The following USP33 variants were observed in gnomAD, a reference collection of about 807,000 sequenced individuals.
The protein encoded by USP33 is ubiquitin carboxyl-terminal hydrolase 33.
USP33 carries 46 observed loss-of-function variants against 124.2 expected under a neutral mutation model. The ratio of observed to expected loss-of-function variants is 0.37; its 90% CI spans 0.29 to 0.47. The LOEUF is 0.47. Ranked by LOEUF, USP33 falls within the 20% of genes least tolerant of loss-of-function variation. The pLI is 0.99. For synonymous variants in USP33, 350 were observed against 352.3 expected (o/e 0.99, Z 0.07); for missense variants, 851 against 1,070.6 (o/e 0.79, Z 2.86).
At chr1:77,739,840 A>G (rs896853009) in intron 4 of USP33, among the ~76,000 whole-genome samples, 4 of 152,248 alleles carry the variant, frequency 2.6e-5, no homozygotes, top group African/African-American at 9.6e-5. Flanking sequence ...TGGAAAGATA[A>G]AAGTCTAGCC....
intron 9 of USP33, 53 bp downstream of exon 9, chr1:77,729,807 C>T: frequency 1.3e-6 from 2 of 1,573,208 alleles, no homozygotes; most frequent in Non-Finnish European, 1.7e-6. Flanking sequence ...AACATAATGG[C>T]ATTTTCCAAA....
In USP33 at chr1:77,697,492, G is replaced by C; in HGVS notation, c.2579-18C>G. The C allele has an allele frequency of 1.3e-6, 2 of 1,585,092 alleles. No individual in the cohort carries two copies. The highest frequency in any genetic ancestry group is 1.7e-6 in the Non-Finnish European group (2 of 1,170,402). On this transcript the variant is annotated intron_variant, in intron 23 of 23. Coordinates refer to ENST00000370794, the MANE Select transcript of USP33 (RefSeq NM_201624.3). ...ATCTGCTCCTTAAAATTACGTAGAA[G>C]AAATAATGTTTACAAACCTATATAT... is the stretch of plus-strand genomic sequence containing the variant.
At chr1:77,746,494 T>C (rs1223064929) in intron 1 of USP33, 1 of 152,140 alleles carries the variant, frequency 6.6e-6, no homozygotes, top group African/African-American at 2.4e-5. Flanking sequence ...TTCCAATCAA[T>C]ATAAAAAGAA....
In USP33 at chr1:77,754,143, CTG is replaced by C. The variant is rs200425078; in HGVS notation, c.-52+5498_-52+5499del. On this transcript the variant is annotated intron_variant, in intron 1 of 23. Transcript: ENST00000370794. Reference sequence around the variant, plus strand: ...TAATTGTTACACAGAGGTTGGGTAACTGTCAGAGGTGCTTCAAAGGACAGCAA... The same window carrying C: ...TAATTGTTACACAGAGGTTGGGTAACTCAGAGGTGCTTCAAAGGACAGCAA... 3.3e-4 allele frequency among the ~76,000 whole-genome samples: 50 copies of C among 152,250 alleles called. No homozygotes were observed. The East Asian group carries it at 9.5e-3, about 29-fold the overall frequency.
intron 21 of USP33, among the ~76,000 whole-genome samples, chr1:77,708,784 T>C (rs1207157648): frequency 6.3e-4 from 1 of 1,576 alleles, no homozygotes; most frequent in African/African-American, 9.8e-3. Context: ...TCCACCTGTG[T>C]ACCAAAAAGT....
chr1:77,697,585 G>T, intron 23 of USP33, 111 bp from the exon 24 acceptor site: 1 of 1,303,904 alleles, frequency 7.7e-7, no homozygotes, highest in South Asian at 1.6e-5. Context: ...GAGAACTTCT[G>T]GAACATGAAT....
rs183470977 is a variant in USP33 at position 77,729,791 on chromosome 1, A to C, written c.717+69T>G. The C allele has an allele frequency of 9.8e-3, 14,456 of 1,472,008 alleles. 80 individuals are homozygous for C. The highest frequency in any genetic ancestry group is 0.011 in the Non-Finnish European group (12,017 of 1,060,166). The allele number at this position is 1,472,008 out of a possible 1,614,324, so 91.2% of individuals were successfully genotyped here. On this transcript the variant is annotated intron_variant, in intron 9 of 23. Transcript: ENST00000370794. ...ATGACCCCAAAAGATAAGTAGACCC[A>C]AAAAAAACATAATGGCATTTTCCAA... is the stretch of plus-strand genomic sequence containing the variant.
chr1:77,713,558 T>TC (rs1491111800), intron 19 of USP33: 15 of 76,524 alleles, frequency 2.0e-4, no homozygotes, highest in South Asian at 4.7e-4. Flanking sequence ...CTAACTTTTC[T>TC]TTTTTTTTTT....
At position 77,735,020 on chromosome 1, in the gene USP33, G is replaced by A. The variant is rs550491400; in HGVS notation, c.455-604C>T. 3.2e-3 allele frequency among the ~76,000 whole-genome samples: 488 copies of A among 152,212 alleles called. 3 individuals carry two copies. The highest frequency in any genetic ancestry group is 4.9e-3 in the Non-Finnish European group (333 of 68,018). On this transcript the variant is annotated intron_variant, in intron 6 of 23. Transcript: ENST00000370794. ...TGCCTGTAGTCCCAGCTACTCGGGA[G>A]GCTGAAGCAGGAGAATGGTGTGAAC... is the stretch of plus-strand genomic sequence containing the variant.
At chr1:77,750,781 C>A (rs1014515051) in intron 1 of USP33, among the ~76,000 whole-genome samples, 23 of 152,026 alleles carry the variant, frequency 1.5e-4, no homozygotes, top group African/African-American at 7.3e-5. Flanking sequence ...AAATAGAAAA[C>A]CCTTAGTATT....
chr1:77,718,668 T>TA, intron 15 of USP33, 27 bp from the exon 16 acceptor site: 1 of 1,564,802 alleles, frequency 6.4e-7, no homozygotes, highest in Non-Finnish European at 8.7e-7. Context: ...GAAAATCAAT[T>TA]AGTCTACAAA....
chr1:77,754,694 C>A (rs1680642700), intron 1 of USP33, among the ~76,000 whole-genome samples: 1 of 152,188 alleles, frequency 6.6e-6, no homozygotes, highest in Admixed American at 6.5e-5. Context: ...CTTTTTATTT[C>A]TCTTTTACTA....
chr1:77,748,436 T>C (rs1557870580), intron 1 of USP33, among the ~76,000 whole-genome samples: 4 of 152,124 alleles, frequency 2.6e-5, no homozygotes, highest in Admixed American at 2.0e-4. Flanking sequence ...TTTGGGAGGC[T>C]GAGGCGGGTG....
chr1:77,700,185 T>C (rs981766833), intron 22 of USP33, among the ~76,000 whole-genome samples: 3 of 152,228 alleles, frequency 2.0e-5, no homozygotes, highest in Admixed American at 6.5e-5. Context: ...ATCCTGCACA[T>C]GTATGCTGGA....
Position 77,697,301 on chromosome 1 carries a change from C to T in USP33, c.*16G>A, listed in dbSNP as rs1673511916. On this transcript the variant is annotated 3_prime_UTR_variant, in exon 24 of 24. Coordinates refer to ENST00000370794, the MANE Select transcript of USP33 (RefSeq NM_201624.3). ...ATGAAAATGATTCCTCATTAGAACT[C>T]TCTACATCCTAAAAATTACAAAGAC... 3 of 1,587,858 alleles carry T rather than the reference C, an allele frequency of 1.9e-6. No homozygotes were observed. Among genetic ancestry groups the T allele is most frequent in the Non-Finnish European group, 2.6e-6 (3 of 1,169,470 alleles).
At chr1:77,752,175 C>T (rs1021256818) in intron 1 of USP33, among the ~76,000 whole-genome samples, 3 of 150,718 alleles carry the variant, frequency 2.0e-5, no homozygotes, top group African/African-American at 2.4e-5. Flanking sequence ...TTCACTCTGT[C>T]GCCCAGGCTG....
chr1:77,744,843 CCAAAAA>C (rs1438720737), intron 1 of USP33, among the ~76,000 whole-genome samples: 3 of 152,026 alleles, frequency 2.0e-5, no homozygotes, highest in Non-Finnish European at 2.9e-5. Context: ...AGATCCTGTG[CCAAAAA>C]CAAAAACAAA....
intron 21 of USP33, among the ~76,000 whole-genome samples, chr1:77,706,394 C>T (rs1397996010): frequency 6.6e-6 from 1 of 152,122 alleles, no homozygotes. Context: ...TATTTGTTTA[C>T]TTACTGAGTT....
intron 1 of USP33, among the ~76,000 whole-genome samples, chr1:77,749,067 A>T (rs759865473): frequency 6.6e-6 from 1 of 152,202 alleles, no homozygotes; most frequent in Admixed American, 6.5e-5. Flanking sequence ...ACATTTTGCT[A>T]TAACAACATC....
Sources: allele counts gnomAD v4.1 joint callset (sites outside exome capture counted in the v4.1 genomes callset), GRCh38; gene constraint gnomAD v4.1.1; transcripts MANE v1.5; gene names NCBI Gene and HGNC (gene_info 2026-07-23, HGNC 2026-07-21).